The following MAGI2 variants were observed in gnomAD, a reference collection of about 807,000 sequenced individuals.
The protein encoded by MAGI2 is membrane-associated guanylate kinase, WW and PDZ domain-containing protein 2.
A neutral mutation model predicts 133.3 loss-of-function variants in MAGI2; 35 were observed. That is an observed-to-expected ratio of 0.26 (90% CI 0.20 to 0.35). MAGI2 has a LOEUF of 0.35. MAGI2 is among the 10% of genes least tolerant of loss of function. The probability of loss-of-function intolerance (pLI) is 1.00; values close to 1 mark genes in which losing one functional copy is unlikely to be tolerated. For missense variants in MAGI2, 1,636 were observed against 1,863.4 expected (o/e 0.88, Z 2.25); for synonymous variants, 729 against 710.6 (o/e 1.03, Z -0.41).
intron 6 of MAGI2, among the ~76,000 whole-genome samples, chr7:78,373,236 A>T (rs1794107298): frequency 6.6e-6 from 1 of 152,188 alleles, no homozygotes; most frequent in Admixed American, 6.5e-5. Context: ...AGAAAAACTG[A>T]CTGGGATATT....
At position 78,549,986 on chromosome 7, in the gene MAGI2, G is replaced by A. The variant is rs1006135693; in HGVS notation, c.539-28341C>T. On this transcript the variant is annotated intron_variant, in intron 3 of 21. Transcript: ENST00000354212. ...CCTTTGGGAAATGATTGGGTTTTCA[G>A]GGTGAAGCCCACGTAAGTAAGATTA... 4.6e-5 allele frequency among the ~76,000 whole-genome samples: 7 copies of A among 152,176 alleles called. No homozygotes were observed. The East Asian group carries it at 1.3e-3, about 29-fold the overall frequency.
chr7:78,672,289 C>CT (rs1207164513), intron 2 of MAGI2, among the ~76,000 whole-genome samples: 33 of 152,202 alleles, frequency 2.2e-4, no homozygotes, highest in African/African-American at 7.9e-4. Context: ...CTCTTGCTCC[C>CT]TCTCTTGCCA....
At chr7:78,204,810 CAA>C (rs1829581625) in intron 10 of MAGI2, among the ~76,000 whole-genome samples, 1 of 151,856 alleles carries the variant, frequency 6.6e-6, no homozygotes, top group African/African-American at 2.4e-5. Flanking sequence ...GAACATAAAA[CAA>C]AAGAGAATAA....
chr7:78,213,407 C>A (rs1787959060), intron 10 of MAGI2, among the ~76,000 whole-genome samples: 1 of 151,972 alleles, frequency 6.6e-6, no homozygotes, highest in African/African-American at 2.4e-5. Flanking sequence ...ATTTTTTTGT[C>A]CTTTGACTCC....
intron 6 of MAGI2, among the ~76,000 whole-genome samples, chr7:78,397,426 A>G (rs1322313603): frequency 6.6e-6 from 1 of 151,690 alleles, no homozygotes; most frequent in East Asian, 1.9e-4. Context: ...CCAAACCATC[A>G]ATAAGTTCCT....
chr7:79,246,817 C>T (rs1332633491), intron 1 of MAGI2, among the ~76,000 whole-genome samples: 1 of 152,086 alleles, frequency 6.6e-6, no homozygotes, highest in Non-Finnish European at 1.5e-5. Context: ...GAACACTAAG[C>T]AGATTTAACC....
At chr7:78,935,348 A>G (rs544091562) in intron 2 of MAGI2, among the ~76,000 whole-genome samples, 2 of 152,240 alleles carry the variant, frequency 1.3e-5, no homozygotes, top group South Asian at 2.1e-4. Context: ...AGTGTCTGAT[A>G]TTAGATTCAG....
intron 1 of MAGI2, among the ~76,000 whole-genome samples, chr7:79,374,505 T>A (rs1372332666): frequency 3.3e-5 from 5 of 151,886 alleles, no homozygotes; most frequent in African/African-American, 9.7e-5. Context: ...GGACTTCTAG[T>A]CTCCAGAGCT....
chr7:79,403,510 A>AAT (rs2129164968), intron 1 of MAGI2, among the ~76,000 whole-genome samples: 1 of 152,236 alleles, frequency 6.6e-6, no homozygotes, highest in East Asian at 1.9e-4. Context: ...AAAGTATAGA[A>AAT]ATATATATTT....
At chr7:79,365,702 A>G (rs1454008353) in intron 1 of MAGI2, among the ~76,000 whole-genome samples, 1 of 151,774 alleles carries the variant, frequency 6.6e-6, no homozygotes, top group East Asian at 1.9e-4. Flanking sequence ...TACTAAAAAT[A>G]CAAAAAAATT....
intron 3 of MAGI2, among the ~76,000 whole-genome samples, chr7:78,623,527 C>A (rs1160138020): frequency 6.6e-6 from 1 of 151,882 alleles, no homozygotes; most frequent in Admixed American, 6.6e-5. Flanking sequence ...TAAATCTCTA[C>A]TATCTTTTAT....
chr7:78,375,601 G>C lies in MAGI2; in HGVS notation c.1046-6388C>G, dbSNP rs903249302. On this transcript the variant is annotated intron_variant, in intron 6 of 21. Coordinates refer to ENST00000354212, the MANE Select transcript of MAGI2 (RefSeq NM_012301.4). ...TTTTTAAAAAAAAAACAAAATTTGA[G>C]GTTCTTGTTTGATTGTTTTAGAGGT... 2.0e-5 allele frequency among the ~76,000 whole-genome samples: 3 copies of C among 152,006 alleles called. No individual in the cohort carries two copies. The South Asian group carries it at 6.2e-4, about 32-fold the overall frequency.
At chr7:79,135,891 T>C (rs1821354557) in intron 1 of MAGI2, among the ~76,000 whole-genome samples, 1 of 148,980 alleles carries the variant, frequency 6.7e-6, no homozygotes, top group Non-Finnish European at 1.5e-5. Context: ...CAGGGAGCTG[T>C]AACGATGCCA....
At chr7:78,506,160 G>T (rs774127002) in intron 4 of MAGI2, among the ~76,000 whole-genome samples, 31 of 152,184 alleles carry the variant, frequency 2.0e-4, no homozygotes, top group Non-Finnish European at 3.8e-4. Context: ...CTCTCAAAAA[G>T]TAATGATGGT....
At chr7:79,412,065 C>T (rs1202816496) in intron 1 of MAGI2, 1 of 151,920 alleles carries the variant, frequency 6.6e-6, no homozygotes, top group East Asian at 1.9e-4. Context: ...CTTTTTCATT[C>T]TGGAAAGTTG....
intron 1 of MAGI2, among the ~76,000 whole-genome samples, chr7:79,142,497 T>C (rs1159586937): frequency 6.6e-6 from 1 of 152,196 alleles, no homozygotes; most frequent in Non-Finnish European, 1.5e-5. Context: ...GTTACCGTTC[T>C]AGAAAGAGGA....
chr7:78,055,739 A>G (rs1812501199), intron 21 of MAGI2, among the ~76,000 whole-genome samples: 1 of 152,184 alleles, frequency 6.6e-6, no homozygotes, highest in Non-Finnish European at 1.5e-5. Flanking sequence ...TAGAGAGTGA[A>G]CTGATGATAA....
chr7:79,353,853 C>T (rs192621968), intron 1 of MAGI2: 2 of 201,260 alleles, frequency 9.9e-6, no homozygotes, highest in East Asian at 2.7e-4. Context: ...GGGAGCCCTG[C>T]TTATGCTTCA....
chr7:78,868,095 T>C (rs73143047), intron 2 of MAGI2, among the ~76,000 whole-genome samples: 8,252 of 152,096 alleles, frequency 0.054, 257 homozygotes, highest in African/African-American at 0.074. Flanking sequence ...AAAGATAACA[T>C]AATACAGAAT....
Sources: allele counts gnomAD v4.1 joint callset (sites outside exome capture counted in the v4.1 genomes callset), GRCh38; gene constraint gnomAD v4.1.1; transcripts MANE v1.5; gene names NCBI Gene and HGNC (gene_info 2026-07-23, HGNC 2026-07-21).